The following FGF5 variants were observed in gnomAD, a reference collection of about 807,000 sequenced individuals.
FGF5 encodes heparin-binding growth factor 5.
In FGF5, 23 loss-of-function variants were observed where a neutral mutation model predicts 21.8. That is an observed-to-expected ratio of 1.05 (90% confidence interval 0.76 to 1.49). The LOEUF is 1.49. FGF5 is among the 40% of genes most tolerant of loss of function. FGF5 has a pLI of 0.00. For synonymous variants in FGF5, 158 were observed against 124.0 expected, an observed-to-expected ratio of 1.27 and a Z score of -1.82; for missense variants, 352 against 332.9, an observed-to-expected ratio of 1.06 and a Z score of -0.45.
chr4:80,266,772 A>T lies in FGF5; in HGVS notation c.-53A>T. 3 of 1,428,108 alleles carry T rather than the reference A, an allele frequency of 2.1e-6. No homozygotes were observed. Among genetic ancestry groups the T allele is most frequent in the Non-Finnish European group, 2.8e-6 (3 of 1,058,488 alleles). The allele number at this position is 1,428,108 out of a possible 1,614,324, so 88.5% of individuals were successfully genotyped here. On this transcript the variant is annotated 5_prime_UTR_variant, in exon 1 of 3. It introduces an in-frame stop codon into an upstream open reading frame of the 5' UTR. Transcript: ENST00000312465. Reference sequence around the variant, plus strand: ...AGGCACGCAGCCGCACAGGGGCTACAGAGCCCAGAATCAGCCCTACAAGAT... The same window carrying T: ...AGGCACGCAGCCGCACAGGGGCTACTGAGCCCAGAATCAGCCCTACAAGAT...
At chr4:80,276,747 C>T (rs750085281) in intron 2 of FGF5, among the ~76,000 whole-genome samples, 7 of 141,608 alleles carry the variant, frequency 4.9e-5, no homozygotes, top group African/African-American at 1.6e-4. Flanking sequence ...TGAGTTCTCA[C>T]GAGGGCTGGA....
At chr4:80,285,099 G>GT (rs1168131211) in intron 2 of FGF5, among the ~76,000 whole-genome samples, 1 of 152,116 alleles carries the variant, frequency 6.6e-6, no homozygotes, top group Non-Finnish European at 1.5e-5. Flanking sequence ...CCCTATTGTT[G>GT]TAAGTGTTAT....
intron 2 of FGF5, among the ~76,000 whole-genome samples, chr4:80,285,139 T>C (rs537983200): frequency 1.3e-5 from 2 of 152,300 alleles, no homozygotes; most frequent in South Asian, 2.1e-4. Flanking sequence ...AAGAGCTTAA[T>C]TGGCAGAACT....
intron 1 of FGF5, among the ~76,000 whole-genome samples, 165 bp downstream of exon 1, chr4:80,267,344 T>C (rs750971656): frequency 1.3e-5 from 2 of 152,192 alleles, no homozygotes; most frequent in Non-Finnish European, 2.9e-5. Context: ...GATGCATCTA[T>C]ATGGCGTGCG....
At chr4:80,270,969 T>G (rs1331609409) in intron 1 of FGF5, among the ~76,000 whole-genome samples, 1 of 152,226 alleles carries the variant, frequency 6.6e-6, no homozygotes, top group Admixed American at 6.5e-5. Context: ...TGTTGCTAAT[T>G]TAATCAGTGA....
intron 1 of FGF5, among the ~76,000 whole-genome samples, chr4:80,273,716 C>T (rs748078940): frequency 7.3e-5 from 11 of 151,028 alleles, no homozygotes; most frequent in Non-Finnish European, 1.6e-4. Context: ...CCTTCTTTTC[C>T]TTTTTAAAAG....
chr4:80,284,892 T>C (rs1720665422), intron 2 of FGF5, among the ~76,000 whole-genome samples: 2 of 152,246 alleles, frequency 1.3e-5, no homozygotes, highest in African/African-American at 4.8e-5. Flanking sequence ...TAGAAGTATG[T>C]AGCTTTTAGT....
At chr4:80,286,250 TACAA>T in intron 2 of FGF5, 71 bp from the exon 3 acceptor site, 1 of 1,001,434 alleles carries the variant, frequency 1.0e-6, no homozygotes, top group Non-Finnish European at 1.5e-6. Flanking sequence ...TTTTTTTTTC[TACAA>T]TACCTTATGT....
rs1478464839 is a variant in FGF5, at chr4:80,267,108, T to C, written c.284T>C (p.Val95Ala). The C allele has an allele frequency of 6.2e-7, 1 of 1,613,934 alleles. No homozygotes were observed. Among genetic ancestry groups the C allele is most frequent in the Non-Finnish European group, 8.5e-7 (1 of 1,180,004 alleles). The part of the protein sequence containing the change: ...GRRTGSLYCR[V>A]GIGFHLQIYP... ...CGGACCGGCAGCCTCTACTGCAGAG[T>C]GGGCATCGGTTTCCATCTGCAGATC... Residue 95 changes from valine to alanine, a missense_variant, in exon 1 of 3, where the codon GTG becomes GCG. Coordinates refer to ENST00000312465, the MANE Select transcript of FGF5 (RefSeq NM_004464.4).
rs1455135171 is a variant in FGF5 at position 80,266,703 on chromosome 4, C to T, written c.-122C>T. 4.3e-5 allele frequency: 36 copies of T among 841,932 alleles called. No homozygotes were observed. The highest frequency in any genetic ancestry group is 5.9e-5 in the Non-Finnish European group (32 of 540,378). 52.2% of individuals were successfully genotyped at this position (841,932 alleles called of 1,614,324 possible). On this transcript the variant is annotated 5_prime_UTR_variant, in exon 1 of 3. Transcript: ENST00000312465. ...TCTCTTCCCCTCTCCCCTTCTCTTC[C>T]CCGAGGCTATGTCCACCCGGTGCGG...
intron 2 of FGF5, among the ~76,000 whole-genome samples, chr4:80,278,509 C>T (rs1055965388): frequency 1.3e-5 from 2 of 152,048 alleles, no homozygotes; most frequent in Non-Finnish European, 2.9e-5. Flanking sequence ...TCCTGCCTCC[C>T]GAGATAAACT....
chr4:80,277,249 T>G (rs1418414765), intron 2 of FGF5, among the ~76,000 whole-genome samples: 1 of 152,170 alleles, frequency 6.6e-6, no homozygotes, highest in Admixed American at 6.6e-5. Flanking sequence ...AATAATGACT[T>G]TTAAACAGTA....
chr4:80,286,145 A>AG (rs1422048641), intron 2 of FGF5, among the ~76,000 whole-genome samples, 180 bp from the exon 3 acceptor site: 1 of 152,238 alleles, frequency 6.6e-6, no homozygotes, highest in Non-Finnish European at 1.5e-5. Context: ...AAATATAGAA[A>AG]GAAAAATAGT....
chr4:80,269,676 T>A (rs2109916931), intron 1 of FGF5, among the ~76,000 whole-genome samples: 1 of 152,358 alleles, frequency 6.6e-6, no homozygotes, highest in Middle Eastern at 3.4e-3. Context: ...AGTTTCTGTG[T>A]CTTTCACATG....
chr4:80,286,598 C>A lies in FGF5; in HGVS notation c.733C>A (p.Pro245Thr). 6.2e-7 allele frequency: 1 copy of A among 1,613,996 alleles called. No individual in the cohort carries two copies. Among genetic ancestry groups the A allele is most frequent in the Non-Finnish European group, 8.5e-7 (1 of 1,179,958 alleles). Residue 245 changes from proline to threonine, a missense_variant, in exon 3 of 3, where the codon CCA becomes ACA. Physicochemically the swap from Pro to Thr is conservative, Grantham distance 38. Coordinates refer to ENST00000312465, the MANE Select transcript of FGF5 (RefSeq NM_004464.4). The stretch of plus-strand genomic sequence containing the variant: ...GAAAAAGCCACCTAGCCCTATCAAG[C>A]CAAAGATTCCCCTTTCTGCACCTCG... The part of the protein sequence containing the change: ...EKKKPPSPIK[P>T]KIPLSAPRKN...
At chr4:80,277,751 G>A (rs1720454782) in intron 2 of FGF5, among the ~76,000 whole-genome samples, 1 of 151,994 alleles carries the variant, frequency 6.6e-6, no homozygotes, top group Non-Finnish European at 1.5e-5. Flanking sequence ...GGTACTTTTA[G>A]GGTTCTATCT....
At chr4:80,278,627 T>C (rs1005510874) in intron 2 of FGF5, among the ~76,000 whole-genome samples, 2 of 152,154 alleles carry the variant, frequency 1.3e-5, no homozygotes, top group Non-Finnish European at 2.9e-5. Context: ...CCAGAGCAGA[T>C]TCAGGCAGCA....
At position 80,289,485 on chromosome 4, in the gene FGF5, T is replaced by C. The variant is rs765081000; in HGVS notation, c.*2813T>C. 2 of 152,194 alleles carry C rather than the reference T, an allele frequency of 1.3e-5. No individual in the cohort carries two copies. Among genetic ancestry groups the C allele is most frequent in the Non-Finnish European group, 2.9e-5 (2 of 68,024 alleles). The allele number at this position is 152,194 out of a possible 1,614,324, so 9.4% of individuals were successfully genotyped here. A position where few individuals can be genotyped will look rare whatever the true frequency, so the allele number is the denominator to read the frequency against. ...AATATCAAATAAAATTATTTGGTTA[T>C]GGTTATGTTCATCTAAACACAACAA... On this transcript the variant is annotated 3_prime_UTR_variant, in exon 3 of 3. Coordinates refer to ENST00000312465, the MANE Select transcript of FGF5 (RefSeq NM_004464.4).
At chr4:80,284,825 G>GA (rs1366559805) in intron 2 of FGF5, among the ~76,000 whole-genome samples, 3 of 151,972 alleles carry the variant, frequency 2.0e-5, no homozygotes, top group Non-Finnish European at 2.9e-5. Context: ...GGCATTATTA[G>GA]AAAAAACAAG....
Sources: gnomAD v4.1 joint callset for allele counts (sites outside exome capture counted in the v4.1 genomes callset) on GRCh38, gnomAD v4.1.1 for gene constraint, MANE v1.5 for transcripts, NCBI Gene and HGNC (gene_info 2026-07-23, HGNC 2026-07-21) for gene names.